NXPH1: variants seen among roughly 807,000 people sequenced by gnomAD.
NXPH1 encodes neurexophilin-1.
In NXPH1, 5 loss-of-function variants were observed where a neutral mutation model predicts 23.7. The ratio of observed to expected loss-of-function variants is 0.21; its 90% CI spans 0.11 to 0.44. The LOEUF is 0.44. Among genes scored for constraint, NXPH1 ranks in the 20% least tolerant of loss-of-function variants. NXPH1 has a pLI of 0.99. For synonymous variants in NXPH1, 144 were observed against 122.2 expected (o/e 1.18, Z -1.18); for missense variants, 324 against 321.6 (o/e 1.01, Z -0.06).
chr7:8,642,850 T>C (rs1054681697), intron 2 of NXPH1, among the ~76,000 whole-genome samples: 2 of 148,682 alleles, frequency 1.3e-5, no homozygotes, highest in Non-Finnish European at 3.0e-5. Context: ...GGGCATATAC[T>C]TTTTTTTTTC....
chr7:8,584,604 A>G (rs925032543), intron 2 of NXPH1, among the ~76,000 whole-genome samples: 1 of 152,210 alleles, frequency 6.6e-6, no homozygotes, highest in African/African-American at 2.4e-5. Flanking sequence ...AGAGGGATAA[A>G]GTGATATGGA....
At chr7:8,605,977 G>A (rs1224612454) in intron 2 of NXPH1, among the ~76,000 whole-genome samples, 3 of 152,008 alleles carry the variant, frequency 2.0e-5, no homozygotes, top group Non-Finnish European at 4.4e-5. Context: ...GAAAGAATCT[G>A]TCATTCCAGA....
At chr7:8,591,102 T>C (rs1219047201) in intron 2 of NXPH1, among the ~76,000 whole-genome samples, 1 of 152,056 alleles carries the variant, frequency 6.6e-6, no homozygotes, top group Non-Finnish European at 1.5e-5. Flanking sequence ...AAGATACTAT[T>C]TCTCACACCT....
intron 2 of NXPH1, among the ~76,000 whole-genome samples, chr7:8,680,547 A>G (rs1821033820): frequency 6.6e-6 from 1 of 152,252 alleles, no homozygotes; most frequent in Non-Finnish European, 1.5e-5. Context: ...AACTTGTTCA[A>G]TGACAAAAAA....
intron 2 of NXPH1, among the ~76,000 whole-genome samples, chr7:8,580,536 G>A (rs1818845663): frequency 6.6e-6 from 1 of 152,130 alleles, no homozygotes; most frequent in Non-Finnish European, 1.5e-5. Flanking sequence ...AGCTGCTGAA[G>A]AGGCAGCAGC....
Position 8,621,490 on chromosome 7 carries a change from C to CTTTTTTTTTTTTTTTTTTTTTTTT in NXPH1, c.55-129504_55-129503insTTTTTTTTTTTTTTTTTTTTTTTT, listed in dbSNP as rs113473603. 6.9e-4 allele frequency among the ~76,000 whole-genome samples: 97 copies of CTTTTTTTTTTTTTTTTTTTTTTTT among 140,196 alleles called. 2 individuals carry two copies. The highest frequency in any genetic ancestry group is 5.0e-3 in the East Asian group (21 of 4,202). 92.0% of individuals were successfully genotyped at this position (140,196 alleles called of 152,430 possible). On this transcript the variant is annotated intron_variant, in intron 2 of 2. Coordinates refer to ENST00000405863, the MANE Select transcript of NXPH1 (RefSeq NM_152745.3). The stretch of plus-strand genomic sequence containing the variant: ...GAGAAACAATAACATGCTAGCCACT[C>CTTTTTTTTTTTTTTTTTTTTTTTT]TTTTTTTTTTTTTTGAGGTGAAGTT...
intron 2 of NXPH1, among the ~76,000 whole-genome samples, chr7:8,677,884 GATTAC>G (rs1166861567): frequency 2.0e-5 from 3 of 151,876 alleles, no homozygotes; most frequent in African/African-American, 7.3e-5. Context: ...GAAGTAATTA[GATTAC>G]ATTACCAAAT....
chr7:8,734,409 A>G (rs768728349), intron 2 of NXPH1, among the ~76,000 whole-genome samples: 1 of 152,196 alleles, frequency 6.6e-6, no homozygotes, highest in Non-Finnish European at 1.5e-5. Flanking sequence ...AATTCTGCAA[A>G]GAACGTCAAT....
At chr7:8,593,607 A>G (rs1159724212) in intron 2 of NXPH1, among the ~76,000 whole-genome samples, 2 of 152,100 alleles carry the variant, frequency 1.3e-5, no homozygotes, top group African/African-American at 4.8e-5. Context: ...AATCTAAATA[A>G]AATGAGTAAA....
chr7:8,458,939 G>C (rs1250189279), intron 2 of NXPH1, among the ~76,000 whole-genome samples: 1 of 152,068 alleles, frequency 6.6e-6, no homozygotes, highest in Non-Finnish European at 1.5e-5. Flanking sequence ...GGTTAAGAAG[G>C]AGCAAATGAC....
intron 2 of NXPH1, among the ~76,000 whole-genome samples, chr7:8,482,768 A>G (rs1817096002): frequency 6.6e-6 from 1 of 152,172 alleles, no homozygotes; most frequent in African/African-American, 2.4e-5. Context: ...GCTGTTTGGT[A>G]GGAGTGACAG....
intron 2 of NXPH1, among the ~76,000 whole-genome samples, chr7:8,605,187 T>A (rs1237660231): frequency 6.6e-6 from 1 of 152,176 alleles, no homozygotes; most frequent in Non-Finnish European, 1.5e-5. Flanking sequence ...TGAAAGGTGA[T>A]ATAAAAATGC....
At chr7:8,637,027 A>G (rs1820227288) in intron 2 of NXPH1, among the ~76,000 whole-genome samples, 1 of 152,302 alleles carries the variant, frequency 6.6e-6, no homozygotes, top group East Asian at 1.9e-4. Context: ...AGCCCTGTGC[A>G]TGGTACAAAA....
chr7:8,567,364 T>C (rs542094230), intron 2 of NXPH1, among the ~76,000 whole-genome samples: 26 of 152,048 alleles, frequency 1.7e-4, no homozygotes, highest in Non-Finnish European at 3.1e-4. Context: ...TTATAGTAAA[T>C]ACTGCACCTA....
chr7:8,632,783 T>C (rs1820155802), intron 2 of NXPH1, among the ~76,000 whole-genome samples: 2 of 152,222 alleles, frequency 1.3e-5, no homozygotes, highest in African/African-American at 4.8e-5. Flanking sequence ...CTAAGGCCCC[T>C]AGAAATATTG....
intron 2 of NXPH1, among the ~76,000 whole-genome samples, chr7:8,688,032 T>C (rs567252042): frequency 1.1e-4 from 16 of 152,272 alleles, no homozygotes; most frequent in African/African-American, 3.6e-4. Context: ...TAAAGATTCC[T>C]TATTTGAATA....
chr7:8,541,230 C>T (rs899764992), intron 2 of NXPH1, among the ~76,000 whole-genome samples: 2 of 151,498 alleles, frequency 1.3e-5, no homozygotes, highest in Non-Finnish European at 3.0e-5. Context: ...CAAAAAAGAC[C>T]TAAATTAAAC....
intron 2 of NXPH1, among the ~76,000 whole-genome samples, chr7:8,610,753 T>G (rs1819600623): frequency 6.6e-6 from 1 of 152,208 alleles, no homozygotes; most frequent in East Asian, 1.9e-4. Context: ...TTTTTCAACT[T>G]AGAACAACTG....
chr7:8,498,013 G>T (rs907598420), intron 2 of NXPH1, among the ~76,000 whole-genome samples: 1 of 152,020 alleles, frequency 6.6e-6, no homozygotes, highest in African/African-American at 2.4e-5. Flanking sequence ...TTTCCTTATA[G>T]CAGTAGTATT....
Sources: gnomAD v4.1 joint callset for allele counts (sites outside exome capture counted in the v4.1 genomes callset) on GRCh38, gnomAD v4.1.1 for gene constraint, MANE v1.5 for transcripts, NCBI Gene and HGNC (gene_info 2026-07-23, HGNC 2026-07-21) for gene names.